The following PDE6A variants were observed in gnomAD, a reference collection of about 807,000 sequenced individuals.
PDE6A encodes rod cGMP-specific 3',5'-cyclic phosphodiesterase subunit alpha.
PDE6A carries 84 observed loss-of-function variants against 106.3 expected under a neutral mutation model. The ratio of observed to expected loss-of-function variants is 0.79; its 90% confidence interval spans 0.66 to 0.95. PDE6A has a LOEUF of 0.95. PDE6A is among the 40% of genes least tolerant of loss of function. The pLI, the probability that PDE6A is intolerant of heterozygous loss-of-function variation, is 0.00. For missense variants in PDE6A, 1,052 were observed against 1,084.9 expected, an observed-to-expected ratio of 0.97 and a Z score of 0.43; for synonymous variants, 394 against 386.6, an observed-to-expected ratio of 1.02 and a Z score of -0.23.
chr5:149,934,481 C>T (rs1754128657), intron 2 of PDE6A, 85 bp downstream of exon 2: 1 of 1,363,954 alleles, frequency 7.3e-7, no homozygotes, highest in Non-Finnish European at 1.0e-6. Flanking sequence ...AAACTGAGGC[C>T]AGGTCAAACA....
chr5:149,866,433 C>A, intron 19 of PDE6A, 180 bp from the exon 20 acceptor site: 1 of 559,410 alleles, frequency 1.8e-6, no homozygotes, highest in Non-Finnish European at 3.2e-6. Context: ...TGTAACCAAC[C>A]AAATCCAGAA....
At chr5:149,872,503 C>T (rs933858168) in intron 17 of PDE6A, among the ~76,000 whole-genome samples, 1 of 152,008 alleles carries the variant, frequency 6.6e-6, no homozygotes, top group Non-Finnish European at 1.5e-5. Flanking sequence ...CTGGACCATC[C>T]CCAAGGCAAA....
In PDE6A at chr5:149,891,236, G is replaced by A. The variant is rs1019932959; in HGVS notation, c.1728+3947C>T. ...TGTAATCCCAGCCCTTTGGGAGGCCGAGGTGGGCAGATCACCTGAGGTCAG... is the reference window on the plus strand; with the variant it reads ...TGTAATCCCAGCCCTTTGGGAGGCCAAGGTGGGCAGATCACCTGAGGTCAG... On this transcript the variant is annotated intron_variant, in intron 13 of 21. Coordinates refer to ENST00000255266, the MANE Select transcript of PDE6A (RefSeq NM_000440.3). Among the ~76,000 whole-genome samples, 10 of 152,176 alleles carry A rather than the reference G, an allele frequency of 6.6e-5. 1 individual carries two copies. The highest frequency in any genetic ancestry group is 1.3e-4 in the Admixed American group (2 of 15,278).
chr5:149,890,954 TA>T (rs1339393561), intron 13 of PDE6A, among the ~76,000 whole-genome samples: 1 of 152,240 alleles, frequency 6.6e-6, no homozygotes, highest in Non-Finnish European at 1.5e-5. Flanking sequence ...ATAACCTATT[TA>T]ATAAACAGTG....
rs193237427 is a variant in PDE6A at position 149,922,531 on chromosome 5, C to T, written c.859-822G>A. 4.9e-4 allele frequency among the ~76,000 whole-genome samples: 74 copies of T among 152,170 alleles called. No homozygotes were observed. The Middle Eastern group carries it at 0.017, about 35-fold the overall frequency. ...TTCACCATATTGGCCAGGCTAGTCT[C>T]GAACTCCAGACCTCAGGTGATCCAT... is the stretch of plus-strand genomic sequence containing the variant. On this transcript the variant is annotated intron_variant, in intron 4 of 21. Coordinates refer to ENST00000255266, the MANE Select transcript of PDE6A (RefSeq NM_000440.3).
chr5:149,930,543 A>G (rs923104906), intron 4 of PDE6A, among the ~76,000 whole-genome samples: 4 of 152,214 alleles, frequency 2.6e-5, no homozygotes, highest in Admixed American at 2.0e-4. Flanking sequence ...CTGCCTCCTT[A>G]GCTGCTGTAT....
Position 149,860,509 on chromosome 5 carries a change from G to A in PDE6A, c.*386C>T, listed in dbSNP as rs1760095306. On this transcript the variant is annotated 3_prime_UTR_variant, in exon 22 of 22. Transcript: ENST00000255266. ...AGGCAGTTCTCAAGACTAAAAGAAT[G>A]TTTAAAAGCCACTGGATAAGGTATA... is the stretch of plus-strand genomic sequence containing the variant. 6.0e-6 allele frequency: 1 copy of A among 166,580 alleles called. No homozygotes were observed. The highest frequency in any genetic ancestry group is 1.3e-5 in the Non-Finnish European group (1 of 77,296). 10.3% of individuals were successfully genotyped at this position (166,580 alleles called of 1,614,324 possible).
At position 149,934,561 on chromosome 5, in the gene PDE6A, C is replaced by T. The variant is rs767879585; in HGVS notation, c.627+5G>A. ...GGCTATCCTTAGTCTCTAAAGCATT[C>T]TTACCTCTTCATCTCTCTTGGTGAA... On this transcript the variant is annotated splice_donor_5th_base_variant and intron_variant, in intron 2 of 21. Coordinates refer to ENST00000255266, the MANE Select transcript of PDE6A (RefSeq NM_000440.3). 4.2e-5 allele frequency: 68 copies of T among 1,613,950 alleles called. 1 individual carries two copies. The South Asian group carries it at 6.9e-4, about 16-fold the overall frequency.
In PDE6A at chr5:149,944,408, A is replaced by T; in HGVS notation, c.266T>A (p.Leu89Gln). 6.2e-7 allele frequency: 1 copy of T among 1,614,160 alleles called. No individual in the cohort carries two copies. The highest frequency in any genetic ancestry group is 1.1e-5 in the South Asian group (1 of 91,076). ...FNVMKKLCFLLQADRMSLFMY... is the reference protein window; with the variant it reads ...FNVMKKLCFLQQADRMSLFMY... The stretch of plus-strand genomic sequence containing the variant: ...GAACAGGCTCATGCGGTCTGCCTGC[A>T]GGAGGAAGCACAGCTTCTTCATGAC... Residue 89 changes from leucine (L) to glutamine (Q), a missense_variant, in exon 1 of 22, where the codon CTG becomes CAG. Leu to Gln is a moderately radical substitution (Grantham distance 113, BLOSUM62 -2). This residue lies in a region of PDE6A where 913 missense variants were observed against 915.2 expected (regional missense o/e 1.00). Coordinates refer to ENST00000255266, the MANE Select transcript of PDE6A (RefSeq NM_000440.3).
At chr5:149,925,876 T>C (rs1197649842) in intron 4 of PDE6A, among the ~76,000 whole-genome samples, 1 of 152,138 alleles carries the variant, frequency 6.6e-6, no homozygotes, top group African/African-American at 2.4e-5. Flanking sequence ...GGTCTTTTCA[T>C]TACCAGATAT....
intron 17 of PDE6A, among the ~76,000 whole-genome samples, chr5:149,882,273 G>T (rs1760959533): frequency 6.6e-6 from 1 of 151,926 alleles, no homozygotes; most frequent in Admixed American, 6.6e-5. Context: ...CGTTTCCGGA[G>T]CCTGTCCCAG....
At chr5:149,913,628 C>T (rs1388175781) in intron 6 of PDE6A, among the ~76,000 whole-genome samples, 1 of 152,114 alleles carries the variant, frequency 6.6e-6, no homozygotes, top group East Asian at 1.9e-4. Context: ...CAGTAAATCC[C>T]TTCAGTTGGA....
chr5:149,922,560 C>T (rs1753754029), intron 4 of PDE6A, among the ~76,000 whole-genome samples: 1 of 152,120 alleles, frequency 6.6e-6, no homozygotes, highest in Non-Finnish European at 1.5e-5. Flanking sequence ...GATCCATCTG[C>T]CTCAGCCTCC....
In PDE6A at chr5:149,884,786, T is replaced by C. The variant is rs148146669; in HGVS notation, c.1920A>G (p.Arg640=). 4.3e-6 allele frequency: 7 copies of C among 1,614,002 alleles called. No individual in the cohort carries two copies. Among genetic ancestry groups the C allele is most frequent in the Non-Finnish European group, 5.9e-6 (7 of 1,179,904 alleles). Residue 640 remains arginine (R), a synonymous_variant, in exon 15 of 22, where the codon AGA becomes AGG. Transcript: ENST00000255266. ...HHLEFGKTLL[R]DESLNIFQNL... ...CCCTTGGCCCTCATCCTACCTCGTC[T>C]CTGAGCAGTGTTTTGCCAAACTCCA... is the stretch of plus-strand genomic sequence containing the variant.
intron 17 of PDE6A, among the ~76,000 whole-genome samples, chr5:149,878,862 A>G (rs1425748821): frequency 6.6e-6 from 1 of 152,110 alleles, no homozygotes; most frequent in Admixed American, 6.5e-5. Flanking sequence ...CACTTTATTC[A>G]CTGAGGAAAT....
chr5:149,932,077 C>T, intron 3 of PDE6A: 1 of 1,405,892 alleles, frequency 7.1e-7, no homozygotes, highest in Non-Finnish European at 1.0e-6. Context: ...ACGACCATTT[C>T]TCTTTTAGCA....
intron 9 of PDE6A, 23 bp from the exon 10 acceptor site, chr5:149,898,529 A>G (rs1176680144): frequency 6.2e-7 from 1 of 1,609,306 alleles, no homozygotes; most frequent in Non-Finnish European, 8.5e-7. Context: ...GAAAGGAGGA[A>G]TCAGAGACAG....
intron 17 of PDE6A, among the ~76,000 whole-genome samples, chr5:149,870,551 AC>A (rs1285161800): frequency 1.3e-5 from 2 of 152,028 alleles, no homozygotes; most frequent in Non-Finnish European, 2.9e-5. Context: ...GCAGAAACAC[AC>A]CTAAGAATTT....
At chr5:149,902,505 T>TAA (rs33979095) in intron 8 of PDE6A, among the ~76,000 whole-genome samples, 4 of 140,774 alleles carry the variant, frequency 2.8e-5, no homozygotes, top group African/African-American at 5.1e-5. Flanking sequence ...AAACATTTGT[T>TAA]AAAAAAAAAA....
Sources: gnomAD v4.1 joint callset for allele counts (sites outside exome capture counted in the v4.1 genomes callset) on GRCh38, gnomAD v4.1.1 for gene constraint, gnomAD v4.1.1 regional missense constraint, MANE v1.5 for transcripts, NCBI Gene and HGNC (gene_info 2026-07-23, HGNC 2026-07-21) for gene names.